Variants in CFAP54 observed in about 807,000 individuals in gnomAD.
CFAP54 encodes cilia and flagella associated protein 54, also known as cilia- and flagella-associated protein 54.
A neutral mutation model predicts 370.4 loss-of-function variants in CFAP54; 290 were observed. The ratio of observed to expected loss-of-function variants is 0.78; its 90% confidence interval spans 0.71 to 0.86. CFAP54 has a LOEUF of 0.86. Ranked by LOEUF, CFAP54 falls within the 40% of genes least tolerant of loss-of-function variation. CFAP54 has a pLI of 0.00. For synonymous variants in CFAP54, 1,206 were observed against 1,236.5 expected, an observed-to-expected ratio of 0.98 and a Z score of 0.52; for missense variants, 3,399 against 3,528.7, an observed-to-expected ratio of 0.96 and a Z score of 0.93.
chr12:96,753,283 GACAAA>G (rs563084899), intron 55 of CFAP54, among the ~76,000 whole-genome samples: 1 of 152,026 alleles, frequency 6.6e-6, no homozygotes, highest in Non-Finnish European at 1.5e-5. Context: ...TAGTGGAGAT[GACAAA>G]ACAAAACAAA....
rs889868973 is a variant in CFAP54 at position 96,758,366 on chromosome 12, C to A, written c.8040+778C>A. 4.6e-5 allele frequency among the ~76,000 whole-genome samples: 7 copies of A among 152,262 alleles called. No individual in the cohort carries two copies. In the East Asian group the frequency reaches 1.2e-3, roughly 25 times the overall value. On this transcript the variant is annotated intron_variant, in intron 58 of 67. Coordinates refer to ENST00000524981, the MANE Select transcript of CFAP54 (RefSeq NM_001306084.2). Reference sequence around the variant, plus strand: ...CACAATCATGGTGGAAGGCGAAAGTCACATCTTACATGGCAGCAGACAAAG... The same window carrying A: ...CACAATCATGGTGGAAGGCGAAAGTAACATCTTACATGGCAGCAGACAAAG...
At chr12:96,704,943 A>G (rs1957531965) in intron 47 of CFAP54, 147 bp downstream of exon 47, 2 of 313,018 alleles carry the variant, frequency 6.4e-6, no homozygotes, top group Non-Finnish European at 1.2e-5. Flanking sequence ...ATCTTTCACA[A>G]AAAGAGGATT....
In CFAP54 at chr12:96,647,862, T is replaced by TC. The variant is rs771852989; in HGVS notation, c.4548-7dup. On this transcript the variant is annotated splice_polypyrimidine_tract_variant and intron_variant, in intron 33 of 67. Transcript: ENST00000524981. ...TTATATTGTTTTTTAATATGATTTT[T>TC]CCCCCCTTGCAGTTTCCGATCATGT... is the stretch of plus-strand genomic sequence containing the variant. The TC allele has an allele frequency of 2.7e-6, 4 of 1,487,594 alleles. No homozygotes were observed. Among genetic ancestry groups the TC allele is most frequent in the Non-Finnish European group, 3.5e-6 (4 of 1,129,552 alleles). The allele number at this position is 1,487,594 out of a possible 1,614,324, so 92.1% of individuals were successfully genotyped here.
intron 62 of CFAP54, among the ~76,000 whole-genome samples, chr12:96,788,970 A>G (rs960227176): frequency 6.6e-6 from 1 of 152,226 alleles, no homozygotes; most frequent in African/African-American, 2.4e-5. Flanking sequence ...ATAAGAGAAA[A>G]GAGTAAAACA....
At chr12:96,655,145 A>G (rs901675822) in intron 36 of CFAP54, among the ~76,000 whole-genome samples, 1 of 152,060 alleles carries the variant, frequency 6.6e-6, no homozygotes, top group African/African-American at 2.4e-5. Context: ...AGAGAGAAAT[A>G]TATCAATGGA....
At chr12:96,734,730 C>T (rs1957960291) in intron 50 of CFAP54, among the ~76,000 whole-genome samples, 1 of 151,872 alleles carries the variant, frequency 6.6e-6, no homozygotes, top group Admixed American at 6.6e-5. Flanking sequence ...GAAAAAAATA[C>T]AATTAAATAA....
chr12:96,691,111 C>CT lies in CFAP54; in HGVS notation c.6082-10dup, dbSNP rs776714589. 2.5e-6 allele frequency: 4 copies of CT among 1,608,580 alleles called. No homozygotes were observed. The highest frequency in any genetic ancestry group is 3.4e-6 in the Non-Finnish European group (4 of 1,177,532). ...GCTATCTATAGCTCTTTATATTTCA[C>CT]TTTTTTTCATTTTCAGGGTTTGCTT... On this transcript the variant is annotated splice_polypyrimidine_tract_variant and intron_variant, in intron 43 of 67. Coordinates refer to ENST00000524981, the MANE Select transcript of CFAP54 (RefSeq NM_001306084.2).
rs1427115671 is a variant in CFAP54 at position 96,630,544 on chromosome 12, TATTAA to T, written c.4216-6_4216-2del. The stretch of plus-strand genomic sequence containing the variant: ...TTAACTTGTAACATTTTATCTCCTC[TATTAA>T]GAGTGCAGAAATGCAACAAAGAATA... On this transcript the variant is annotated splice_acceptor_variant and splice_polypyrimidine_tract_variant and intron_variant, in intron 31 of 67. Coordinates refer to ENST00000524981, the MANE Select transcript of CFAP54 (RefSeq NM_001306084.2). LOFTEE classifies it high-confidence loss of function. 5.1e-6 allele frequency: 7 copies of T among 1,367,828 alleles called. No individual in the cohort carries two copies. The highest frequency in any genetic ancestry group is 6.8e-6 in the Non-Finnish European group (7 of 1,026,596). The allele number at this position is 1,367,828 out of a possible 1,614,324, so 84.7% of individuals were successfully genotyped here. A position where few individuals can be genotyped will look rare whatever the true frequency, so the allele number is the denominator to read the frequency against.
chr12:96,794,653 T>G (rs927228687), intron 63 of CFAP54, among the ~76,000 whole-genome samples: 1 of 152,202 alleles, frequency 6.6e-6, no homozygotes, highest in Non-Finnish European at 1.5e-5. Flanking sequence ...TTGTAACATT[T>G]AAAACATTTC....
rs542719614 is a variant in CFAP54 at position 96,756,019 on chromosome 12, A to G, written c.7841-439A>G. ...GTCGAAGGGTACTTAGATTGATTCC[A>G]TATCTTGGCTATTGTGAATAATGTG... On this transcript the variant is annotated intron_variant, in intron 56 of 67. Transcript: ENST00000524981. Among the ~76,000 whole-genome samples the G allele has an allele frequency of 3.3e-3, 502 of 152,246 alleles. 3 individuals are homozygous for G. Among genetic ancestry groups the G allele is most frequent in the African/African-American group, 0.011 (462 of 41,548 alleles).
intron 1 of CFAP54, among the ~76,000 whole-genome samples, chr12:96,499,304 A>G (rs1372126185): frequency 1.3e-5 from 2 of 152,182 alleles, no homozygotes; most frequent in African/African-American, 4.8e-5. Context: ...AAATGGGCCA[A>G]AGACCTTAAC....
chr12:96,515,298 C>T (rs11108562), intron 5 of CFAP54, among the ~76,000 whole-genome samples: 15,198 of 151,276 alleles, frequency 0.1, 1,243 homozygotes, highest in East Asian at 0.45. Context: ...GCGTGAGCCA[C>T]GGTGCCTGGC....
At chr12:96,510,019 T>C (rs1955147292) in intron 4 of CFAP54, among the ~76,000 whole-genome samples, 1 of 151,956 alleles carries the variant, frequency 6.6e-6, no homozygotes, top group South Asian at 2.1e-4. Context: ...GGCTCACGCC[T>C]GTAATCCTAG....
At chr12:96,815,045 G>A (rs1284095848) in intron 64 of CFAP54, among the ~76,000 whole-genome samples, 1 of 152,100 alleles carries the variant, frequency 6.6e-6, no homozygotes, top group Non-Finnish European at 1.5e-5. Flanking sequence ...AGTAGAATGA[G>A]TTATGATCCT....
intron 66 of CFAP54, among the ~76,000 whole-genome samples, chr12:96,838,457 T>C (rs1037233450): frequency 6.6e-6 from 1 of 152,060 alleles, no homozygotes; most frequent in Non-Finnish European, 1.5e-5. Flanking sequence ...AAAGGTTTAA[T>C]TGACTCACAG....
chr12:96,659,360 C>T (rs1452941873), intron 38 of CFAP54, among the ~76,000 whole-genome samples: 2 of 152,140 alleles, frequency 1.3e-5, no homozygotes, highest in African/African-American at 4.8e-5. Flanking sequence ...TCTCAAACTG[C>T]TGACCTCAAG....
At chr12:96,768,743 G>A (rs1001810226) in intron 60 of CFAP54, among the ~76,000 whole-genome samples, 2 of 152,164 alleles carry the variant, frequency 1.3e-5, no homozygotes, top group Admixed American at 6.5e-5. Flanking sequence ...AATGAAGGCA[G>A]ATTAAAGTGC....
chr12:96,579,951 A>G (rs1956016060), intron 20 of CFAP54, among the ~76,000 whole-genome samples: 1 of 151,844 alleles, frequency 6.6e-6, no homozygotes, highest in Non-Finnish European at 1.5e-5. Context: ...TATAAATTGG[A>G]GAAAAAAATT....
chr12:96,633,232 GAA>G (rs1324469370), intron 32 of CFAP54, among the ~76,000 whole-genome samples: 1 of 152,170 alleles, frequency 6.6e-6, no homozygotes, highest in East Asian at 1.9e-4. Flanking sequence ...GTTTAATCAG[GAA>G]AAGAGTTTGT....
Sources: gnomAD v4.1 joint callset for allele counts (sites outside exome capture counted in the v4.1 genomes callset) on GRCh38, gnomAD v4.1.1 for gene constraint, MANE v1.5 for transcripts, NCBI Gene and HGNC (gene_info 2026-07-23, HGNC 2026-07-21) for gene names.